CDC73: variants seen among roughly 807,000 people sequenced by gnomAD.
CDC73 encodes cell division cycle 73, also known as parafibromin.
Under a neutral mutation model 83.7 loss-of-function variants are expected in CDC73, and 21 were observed. That is an observed-to-expected ratio of 0.25 (90% CI 0.18 to 0.36). The LOEUF is 0.36. Among genes scored for constraint, CDC73 ranks in the 10% least tolerant of loss-of-function variants. The probability of loss-of-function intolerance (pLI) is 1.00; values close to 1 mark genes in which losing one functional copy is unlikely to be tolerated. For synonymous variants in CDC73, 224 were observed against 212.9 expected (o/e 1.05, Z -0.45); for missense variants, 342 against 653.3 (o/e 0.52, Z 5.19).
intron 15 of CDC73, chr1:193,236,711 A>G: frequency 3.4e-6 from 1 of 290,946 alleles, no homozygotes; most frequent in Non-Finnish European, 6.7e-6. Context: ...CCTAACCAAC[A>G]TGATGAAACC....
intron 11 of CDC73, among the ~76,000 whole-genome samples, chr1:193,205,201 C>G (rs200117061): frequency 8.6e-6 from 1 of 116,194 alleles, no homozygotes; most frequent in South Asian, 3.1e-4. Context: ...CCTGTCCCCC[C>G]CCCCCCCTTT....
intron 5 of CDC73, among the ~76,000 whole-genome samples, chr1:193,137,361 A>G (rs1029665596): frequency 2.0e-5 from 3 of 151,788 alleles, no homozygotes; most frequent in African/African-American, 2.4e-5. Flanking sequence ...TGCTTTTTAT[A>G]CAGTTTTGTA....
At chr1:193,171,434 C>T (rs1333838814) in intron 10 of CDC73, among the ~76,000 whole-genome samples, 1 of 152,156 alleles carries the variant, frequency 6.6e-6, no homozygotes, top group African/African-American at 2.4e-5. Flanking sequence ...GGACCCACTT[C>T]CAAGTTCCTT....
intron 10 of CDC73, among the ~76,000 whole-genome samples, chr1:193,198,198 T>G (rs1237779517): frequency 1.3e-5 from 2 of 152,180 alleles, no homozygotes; most frequent in Non-Finnish European, 2.9e-5. Flanking sequence ...TGCAGTCTGA[T>G]TGGGGGAAGC....
chr1:193,130,090 A>C (rs1675668296), intron 2 of CDC73, 84 bp from the exon 3 acceptor site: 1 of 739,078 alleles, frequency 1.4e-6, no homozygotes, highest in Admixed American at 1.9e-5. Context: ...TGTTGGAATA[A>C]AATTCAGACA....
chr1:193,215,207 C>G (rs1365580271), intron 13 of CDC73, among the ~76,000 whole-genome samples: 1 of 152,226 alleles, frequency 6.6e-6, no homozygotes, highest in African/African-American at 2.4e-5. Flanking sequence ...TATCTAGCTT[C>G]TCTCAAATTA....
chr1:193,163,888 C>G (rs1254825187), intron 10 of CDC73, among the ~76,000 whole-genome samples: 1 of 152,104 alleles, frequency 6.6e-6, no homozygotes, highest in Non-Finnish European at 1.5e-5. Flanking sequence ...AAGCTGTTCT[C>G]CTGCCTCAGT....
intron 13 of CDC73, among the ~76,000 whole-genome samples, chr1:193,221,901 C>T (rs1032708793): frequency 6.6e-6 from 1 of 152,136 alleles, no homozygotes; most frequent in African/African-American, 2.4e-5. Flanking sequence ...ACCTCCTCCA[C>T]ACAATTATGG....
chr1:193,151,236 G>GT (rs981676751), intron 9 of CDC73, among the ~76,000 whole-genome samples: 21 of 151,986 alleles, frequency 1.4e-4, no homozygotes, highest in African/African-American at 4.6e-4. Flanking sequence ...CTTCATTTAA[G>GT]TTTTTTTTAA....
chr1:193,147,604 G>A (rs1431270569), intron 7 of CDC73, among the ~76,000 whole-genome samples: 4 of 151,976 alleles, frequency 2.6e-5, no homozygotes, highest in Non-Finnish European at 5.9e-5. Flanking sequence ...TCCTGACCTC[G>A]TGATCTGCCT....
At chr1:193,184,451 A>G (rs1369688418) in intron 10 of CDC73, among the ~76,000 whole-genome samples, 4 of 151,962 alleles carry the variant, frequency 2.6e-5, no homozygotes, top group Admixed American at 1.3e-4. Flanking sequence ...TAGAAGAGAA[A>G]TAGCTTTGGT....
intron 10 of CDC73, 111 bp downstream of exon 10, chr1:193,152,555 T>A: frequency 1.4e-6 from 1 of 730,226 alleles, no homozygotes. Context: ...CATTTTTCTT[T>A]ATTGATCACT....
intron 10 of CDC73, among the ~76,000 whole-genome samples, chr1:193,198,018 T>G (rs1268742572): frequency 6.6e-6 from 1 of 152,144 alleles, no homozygotes; most frequent in African/African-American, 2.4e-5. Context: ...TTTGCCATAT[T>G]CATTTAATAG....
At chr1:193,167,187 T>C (rs1473761783) in intron 10 of CDC73, among the ~76,000 whole-genome samples, 1 of 152,240 alleles carries the variant, frequency 6.6e-6, no homozygotes, top group Non-Finnish European at 1.5e-5. Context: ...CTGAGCTGTT[T>C]TCAGCTCCAC....
chr1:193,158,649 T>C (rs1676250498), intron 10 of CDC73, among the ~76,000 whole-genome samples: 1 of 152,206 alleles, frequency 6.6e-6, no homozygotes, highest in Admixed American at 6.5e-5. Flanking sequence ...TTATTCTATT[T>C]GAGAATATTA....
intron 5 of CDC73, among the ~76,000 whole-genome samples, chr1:193,137,200 T>G (rs767953456): frequency 5.9e-5 from 9 of 152,234 alleles, no homozygotes; most frequent in Non-Finnish European, 1.3e-4. Flanking sequence ...GGCTATATCT[T>G]TATTGCAAAT....
chr1:193,191,419 G>T (rs1459629433), intron 10 of CDC73, among the ~76,000 whole-genome samples: 2 of 151,862 alleles, frequency 1.3e-5, no homozygotes, highest in Non-Finnish European at 2.9e-5. Context: ...AGACAGTCTC[G>T]CTCTGTTGCC....
chr1:193,228,391 T>C (rs1446269210), intron 13 of CDC73, among the ~76,000 whole-genome samples: 1 of 152,186 alleles, frequency 6.6e-6, no homozygotes, highest in African/African-American at 2.4e-5. Flanking sequence ...GAAACAGTTA[T>C]TACGGAGGAA....
Position 193,232,996 on chromosome 1 carries a change from T to C in CDC73, c.1158T>C (p.Phe386=). 6.2e-7 allele frequency: 1 copy of C among 1,613,250 alleles called. No individual in the cohort carries two copies. The highest frequency in any genetic ancestry group is 2.2e-5 in the East Asian group (1 of 44,864). The change falls in exon 14 of 17, where the codon TTT becomes TTC. Residue 386 remains phenylalanine, a synonymous_variant. Transcript: ENST00000367435. Reference sequence around the variant, plus strand: ...TCTCATCTCTGTTTTTTCAAAGATTTGTCCCATCAGATGAAAAGAAGAAAC... The same window carrying C: ...TCTCATCTCTGTTTTTTCAAAGATTCGTCCCATCAGATGAAAAGAAGAAAC... The part of the protein sequence containing the change: ...NAKDLLQDLK[F]VPSDEKKKQG...
Sources: gnomAD v4.1 joint callset for allele counts (sites outside exome capture counted in the v4.1 genomes callset) on GRCh38, gnomAD v4.1.1 for gene constraint, MANE v1.5 for transcripts, NCBI Gene and HGNC (gene_info 2026-07-23, HGNC 2026-07-21) for gene names.